Variants in CSMD1 observed in about 807,000 individuals in gnomAD.
CSMD1 encodes CUB and Sushi multiple domains 1, also known as CUB and sushi domain-containing protein 1.
CSMD1 carries 213 observed loss-of-function variants against 417.5 expected under a neutral mutation model. That is an observed-to-expected ratio of 0.51 (90% confidence interval 0.46 to 0.57). The LOEUF is 0.57. Among genes scored for constraint, CSMD1 ranks in the 20% least tolerant of loss-of-function variants. The pLI, the probability that CSMD1 is intolerant of heterozygous loss-of-function variation, is 0.00. For synonymous variants in CSMD1, 2,862 were observed against 1,736.8 expected (o/e 1.65, Z -16.11); for missense variants, 6,923 against 4,529.7 (o/e 1.53, Z -15.17).
At chr8:3,736,614 A>G (rs1796532690) in intron 6 of CSMD1, among the ~76,000 whole-genome samples, 1 of 152,142 alleles carries the variant, frequency 6.6e-6, no homozygotes, top group Admixed American at 6.5e-5. Context: ...ACACCAGGCA[A>G]TGGCAGAGTG....
chr8:3,628,424 G>T (rs760567765), intron 7 of CSMD1, among the ~76,000 whole-genome samples: 35 of 152,190 alleles, frequency 2.3e-4, no homozygotes, highest in African/African-American at 8.0e-4. Context: ...ATAGGGCAAG[G>T]CTTCCATTAA....
intron 2 of CSMD1, among the ~76,000 whole-genome samples, chr8:4,422,903 A>G (rs952704728): frequency 2.0e-5 from 3 of 152,082 alleles, no homozygotes; most frequent in African/African-American, 7.2e-5. Flanking sequence ...AATCTGCAAT[A>G]TTAATGGGCT....
At chr8:4,367,563 A>T (rs1802152014) in intron 3 of CSMD1, among the ~76,000 whole-genome samples, 1 of 152,152 alleles carries the variant, frequency 6.6e-6, no homozygotes, top group Non-Finnish European at 1.5e-5. Flanking sequence ...GCTCCATATA[A>T]ATTTTAGAAT....
chr8:3,536,031 C>T (rs987382480), intron 10 of CSMD1, among the ~76,000 whole-genome samples: 10 of 152,144 alleles, frequency 6.6e-5, no homozygotes, highest in African/African-American at 2.2e-4. Flanking sequence ...CTCAAGCCAG[C>T]GACCACGCTG....
At chr8:4,771,619 G>A (rs78820690) in intron 1 of CSMD1, among the ~76,000 whole-genome samples, 1,576 of 152,270 alleles carry the variant, frequency 0.01, 11 homozygotes, top group East Asian at 0.051. Context: ...TGAAACGTCC[G>A]TGAATTCCTG....
At chr8:3,868,116 T>C (rs548366721) in intron 5 of CSMD1, among the ~76,000 whole-genome samples, 3 of 152,210 alleles carry the variant, frequency 2.0e-5, no homozygotes, top group South Asian at 2.1e-4. Flanking sequence ...ATTTAAATTA[T>C]CCTAGCACTT....
chr8:3,810,298 C>A (rs574825690), intron 5 of CSMD1, among the ~76,000 whole-genome samples: 4 of 152,178 alleles, frequency 2.6e-5, no homozygotes, highest in South Asian at 4.2e-4. Flanking sequence ...AGGACGAAGA[C>A]AAGACAAAAC....
intron 1 of CSMD1, among the ~76,000 whole-genome samples, chr8:4,648,469 C>G (rs555623536): frequency 1.7e-4 from 26 of 152,280 alleles, no homozygotes; most frequent in Non-Finnish European, 3.5e-4. Context: ...TCCTCACACA[C>G]ACACCATGCA....
chr8:4,002,537 T>C (rs557285641), intron 4 of CSMD1, among the ~76,000 whole-genome samples: 1 of 152,304 alleles, frequency 6.6e-6, no homozygotes, highest in African/African-American at 2.4e-5. Context: ...TCAAAGCCCA[T>C]TTCGACTGAG....
At chr8:3,911,396 C>A (rs1238010161) in intron 5 of CSMD1, among the ~76,000 whole-genome samples, 1 of 151,638 alleles carries the variant, frequency 6.6e-6, no homozygotes, top group African/African-American at 2.4e-5. Context: ...GGTATGGTGG[C>A]GGGCGCCTGT....
At chr8:4,828,783 C>A (rs1314928201) in intron 1 of CSMD1, among the ~76,000 whole-genome samples, 1 of 152,072 alleles carries the variant, frequency 6.6e-6, no homozygotes, top group Non-Finnish European at 1.5e-5. Context: ...GTTTCTTTAC[C>A]CTTAAAATCA....
chr8:3,439,876 T>C (rs1393149692), intron 12 of CSMD1, among the ~76,000 whole-genome samples: 1 of 152,220 alleles, frequency 6.6e-6, no homozygotes, highest in Non-Finnish European at 1.5e-5. Flanking sequence ...GGCCTATGTA[T>C]GTCCAGTTGT....
intron 1 of CSMD1, among the ~76,000 whole-genome samples, chr8:4,767,433 C>G (rs1319606431): frequency 6.6e-6 from 1 of 152,138 alleles, no homozygotes; most frequent in Non-Finnish European, 1.5e-5. Context: ...AAAACATCAT[C>G]CTGACCAATC....
At chr8:3,746,354 T>C (rs2129051841) in intron 6 of CSMD1, among the ~76,000 whole-genome samples, 3 of 152,336 alleles carry the variant, frequency 2.0e-5, no homozygotes, top group African/African-American at 7.2e-5. Context: ...ATTAATCTGT[T>C]TTAAATAGCT....
At chr8:3,545,173 A>G (rs1798606653) in intron 10 of CSMD1, among the ~76,000 whole-genome samples, 1 of 152,176 alleles carries the variant, frequency 6.6e-6, no homozygotes, top group African/African-American at 2.4e-5. Context: ...AAAGGACTCT[A>G]CACTTAGCAA....
intron 1 of CSMD1, among the ~76,000 whole-genome samples, chr8:4,708,632 G>C (rs1196106167): frequency 2.0e-5 from 3 of 151,950 alleles, no homozygotes; most frequent in African/African-American, 7.3e-5. Context: ...TAAATTTCTA[G>C]TGTTTTCTGT....
At chr8:4,082,968 G>A (rs1041722515) in intron 3 of CSMD1, among the ~76,000 whole-genome samples, 2 of 151,622 alleles carry the variant, frequency 1.3e-5, no homozygotes, top group African/African-American at 2.4e-5. Flanking sequence ...GGCTGAATAG[G>A]ACTCCATGGT....
chr8:3,330,614 AGG>A (rs1168250886), intron 23 of CSMD1, among the ~76,000 whole-genome samples: 1 of 152,172 alleles, frequency 6.6e-6, no homozygotes. Context: ...GGATGAGAAG[AGG>A]GAGAGGATCA....
chr8:3,579,837 C>T (rs1206838728), intron 9 of CSMD1, among the ~76,000 whole-genome samples: 2 of 152,184 alleles, frequency 1.3e-5, no homozygotes, highest in Non-Finnish European at 2.9e-5. Flanking sequence ...AGTGTGGTGG[C>T]TCACGCCTTT....
Sources: allele counts gnomAD v4.1 joint callset (sites outside exome capture counted in the v4.1 genomes callset), GRCh38; gene constraint gnomAD v4.1.1; transcripts MANE v1.5; gene names NCBI Gene and HGNC (gene_info 2026-07-23, HGNC 2026-07-21).